KIF13A: variants seen among roughly 807,000 people sequenced by gnomAD.
The protein encoded by KIF13A is kinesin-like protein KIF13A.
KIF13A carries 79 observed loss-of-function variants against 212.2 expected under a neutral mutation model. The ratio of observed to expected loss-of-function variants is 0.37; its 90% CI spans 0.31 to 0.45. The LOEUF (loss-of-function observed/expected upper bound fraction) is 0.45. Ranked by LOEUF, KIF13A falls within the 20% of genes least tolerant of loss-of-function variation. The pLI, the probability that KIF13A is intolerant of heterozygous loss-of-function variation, is 1.00. For synonymous variants in KIF13A, 789 were observed against 808.6 expected, an observed-to-expected ratio of 0.98 and a Z score of 0.41; for missense variants, 1,901 against 2,209.0, an observed-to-expected ratio of 0.86 and a Z score of 2.79.
At chr6:17,844,917 AC>A (rs1425246233) in intron 9 of KIF13A, among the ~76,000 whole-genome samples, 1 of 152,214 alleles carries the variant, frequency 6.6e-6, no homozygotes, top group Non-Finnish European at 1.5e-5. Flanking sequence ...CTCTAAATGA[AC>A]CAGAATCATG....
intron 2 of KIF13A, chr6:17,950,713 C>T (rs114490978): frequency 0.032 from 31,480 of 983,264 alleles, 561 homozygotes; most frequent in Non-Finnish European, 0.036. Context: ...GCCTAAAAAA[C>T]GAAATATATG....
intron 11 of KIF13A, 21 bp downstream of exon 11, chr6:17,836,857 G>A (rs1766004258): frequency 6.2e-7 from 1 of 1,608,326 alleles, no homozygotes; most frequent in African/African-American, 1.3e-5. Flanking sequence ...TTACCAGCAG[G>A]GAGTACCAGG....
intron 9 of KIF13A, among the ~76,000 whole-genome samples, chr6:17,848,683 G>C (rs1389079125): frequency 6.7e-6 from 1 of 148,410 alleles, no homozygotes; most frequent in Non-Finnish European, 1.5e-5. Context: ...CTCACCCCTT[G>C]GCCTCCTGAG....
intron 3 of KIF13A, among the ~76,000 whole-genome samples, chr6:17,875,456 C>CTTT (rs758607280): frequency 4.4e-5 from 6 of 137,144 alleles, no homozygotes; most frequent in Admixed American, 7.3e-5. Context: ...TTTTCTTTTC[C>CTTT]TTTTTTTTTT....
Position 17,855,689 on chromosome 6 carries a change from T to C in KIF13A, c.314-72A>G. On this transcript the variant is annotated intron_variant, in intron 5 of 38. Transcript: ENST00000259711. This position sits in a 1 kb window ranked among gnomAD's most constrained non-coding sequence, Gnocchi z 4.1. The stretch of plus-strand genomic sequence containing the variant: ...AATGCAATGCTTCAACCATACAAGG[T>C]TTCCCCATATACTGGCCATGGTAAC... The C allele has an allele frequency of 1.6e-6, 2 of 1,213,192 alleles. No homozygotes were observed. Among genetic ancestry groups the C allele is most frequent in the Non-Finnish European group, 2.3e-6 (2 of 871,932 alleles). 75.2% of individuals were successfully genotyped at this position (1,213,192 alleles called of 1,614,324 possible).
rs569990804 is a variant in KIF13A, at chr6:17,976,259, C to T, written c.146+10795G>A. Among the ~76,000 whole-genome samples the T allele has an allele frequency of 3.9e-5, 6 of 152,296 alleles. No individual in the cohort carries two copies. In the South Asian group the frequency reaches 6.2e-4, roughly 16 times the overall value. ...GGGGCCGGCGCTCGTCAGGGAGGCT[C>T]GGGCTGCACAGGAGCCCACGGAGCG... is the stretch of plus-strand genomic sequence containing the variant. On this transcript the variant is annotated intron_variant, in intron 2 of 38. Transcript: ENST00000259711.
At chr6:17,766,248 ATTTATTTTGAGATGGAG>A (rs1392807685) in intron 38 of KIF13A, among the ~76,000 whole-genome samples, 2 of 150,646 alleles carry the variant, frequency 1.3e-5, no homozygotes, top group African/African-American at 2.4e-5. Flanking sequence ...TTATTTATTT[ATTTATTTTGAGATGGAG>A]TTTCACTCTT....
At chr6:17,788,144 T>C (rs931872387) in intron 26 of KIF13A, among the ~76,000 whole-genome samples, 1 of 152,140 alleles carries the variant, frequency 6.6e-6, no homozygotes, top group Non-Finnish European at 1.5e-5. Context: ...CTATACCAGC[T>C]GTCAGATTTT....
intron 23 of KIF13A, among the ~76,000 whole-genome samples, chr6:17,795,932 T>C (rs1761993475): frequency 1.3e-5 from 2 of 152,226 alleles, no homozygotes; most frequent in African/African-American, 4.8e-5. Context: ...TTTAAGGTTA[T>C]GTATGATTCA....
intron 9 of KIF13A, among the ~76,000 whole-genome samples, chr6:17,846,871 A>T (rs762119523): frequency 6.6e-6 from 1 of 152,196 alleles, no homozygotes; most frequent in Non-Finnish European, 1.5e-5. Flanking sequence ...CCACAAGTGT[A>T]GCCACAGTGG....
chr6:17,860,043 G>T (rs1335489472), intron 4 of KIF13A, among the ~76,000 whole-genome samples: 1 of 152,082 alleles, frequency 6.6e-6, no homozygotes, highest in African/African-American at 2.4e-5. Flanking sequence ...CAGGGTTTGG[G>T]TCAGCTTATA....
chr6:17,807,262 A>G (rs1417286230), intron 18 of KIF13A, among the ~76,000 whole-genome samples: 2 of 152,198 alleles, frequency 1.3e-5, no homozygotes, highest in African/African-American at 4.8e-5. Flanking sequence ...CTTCTTGCAG[A>G]GAGCCTATAA....
intron 38 of KIF13A, among the ~76,000 whole-genome samples, chr6:17,770,134 A>G (rs62394101): frequency 0.025 from 3,811 of 152,230 alleles, 78 homozygotes; most frequent in Non-Finnish European, 0.035. Flanking sequence ...GAACTGTTAA[A>G]GGATCCCACA....
At position 17,764,064 on chromosome 6, in the gene KIF13A, T is replaced by C. The variant is rs1280068778; in HGVS notation, c.*46A>G. On this transcript the variant is annotated 3_prime_UTR_variant, in exon 39 of 39. Transcript: ENST00000259711. The surrounding 1 kb of genome is among the most constrained non-coding windows in gnomAD (Gnocchi z 5.1). ...AACTGGATGAATCTTTCCTACCAAGTTGTTGCGGTGAAGGGCCTCTGGGGT... is the reference window on the plus strand; with the variant it reads ...AACTGGATGAATCTTTCCTACCAAGCTGTTGCGGTGAAGGGCCTCTGGGGT... 2 of 1,574,532 alleles carry C rather than the reference T, an allele frequency of 1.3e-6. No individual in the cohort carries two copies. The highest frequency in any genetic ancestry group is 2.3e-5 in the East Asian group (1 of 44,414).
At chr6:17,876,181 C>G (rs1434559606) in intron 3 of KIF13A, among the ~76,000 whole-genome samples, 1 of 152,150 alleles carries the variant, frequency 6.6e-6, no homozygotes, top group Non-Finnish European at 1.5e-5. Context: ...CCCTTTATCT[C>G]TTGCAGTCCA....
At position 17,764,500 on chromosome 6, in the gene KIF13A, G is replaced by C. The variant is rs6459569; in HGVS notation, c.5028C>G (p.Ala1676=). The change falls in exon 39 of 39, where the codon GCC becomes GCG. Residue 1676 remains alanine (A), a synonymous_variant. Transcript: ENST00000259711. This position sits in a 1 kb window ranked among gnomAD's most constrained non-coding sequence, Gnocchi z 5.1. The part of the protein sequence containing the change: ...VVPLKENSAL[A]KGSPSSQSIP... ...TGCTCTGGGATGATGGGCTCCCTTTGGCTAAGGCACTGTTTTCCTTGAGTG... is the reference window on the plus strand; with the variant it reads ...TGCTCTGGGATGATGGGCTCCCTTTCGCTAAGGCACTGTTTTCCTTGAGTG... The C allele has an allele frequency of 0.093, 149,762 of 1,613,786 alleles. 10,485 individuals are homozygous for C. Among genetic ancestry groups the C allele is most frequent in the African/African-American group, 0.37 (27,597 of 74,934 alleles).
At chr6:17,882,479 A>G (rs1771159076) in intron 3 of KIF13A, among the ~76,000 whole-genome samples, 1 of 152,184 alleles carries the variant, frequency 6.6e-6, no homozygotes, top group South Asian at 2.1e-4. Context: ...CTGGACATAT[A>G]CATCAGATTT....
Position 17,772,110 on chromosome 6 carries a change from A to C in KIF13A, c.4325-51T>G. The C allele has an allele frequency of 6.5e-7, 1 of 1,540,902 alleles. No individual in the cohort carries two copies. The highest frequency in any genetic ancestry group is 8.9e-7 in the Non-Finnish European group (1 of 1,118,550). On this transcript the variant is annotated intron_variant, in intron 36 of 38. Coordinates refer to ENST00000259711, the MANE Select transcript of KIF13A (RefSeq NM_022113.6). The surrounding 1 kb of genome is among the most constrained non-coding windows in gnomAD (Gnocchi z 4.8). ...TTACAGATGCTGAACACTTTAAGCA[A>C]AACATAGGAACTGAGACAATGACCC... is the stretch of plus-strand genomic sequence containing the variant.
At chr6:17,866,978 C>G (rs1222527304) in intron 4 of KIF13A, among the ~76,000 whole-genome samples, 3 of 150,852 alleles carry the variant, frequency 2.0e-5, no homozygotes, top group Non-Finnish European at 4.4e-5. Context: ...CTTAACTGAC[C>G]TTCTTATCCA....
Sources: gnomAD v4.1 joint callset for allele counts (sites outside exome capture counted in the v4.1 genomes callset) on GRCh38, gnomAD v4.1.1 for gene constraint, Gnocchi (gnomAD v3.1) non-coding constraint, MANE v1.5 for transcripts, NCBI Gene and HGNC (gene_info 2026-07-23, HGNC 2026-07-21) for gene names.